FGF14: variants seen among roughly 807,000 people sequenced by gnomAD.
FGF14 encodes the protein fibroblast growth factor homologous factor 4.
In FGF14, 5 loss-of-function variants were observed where a neutral mutation model predicts 25.5. The observed-to-expected ratio is 0.20, with a 90% CI of 0.10 to 0.41. The LOEUF (loss-of-function observed/expected upper bound fraction) is 0.41, where lower values mean the gene tolerates loss of function less well. FGF14 is among the 10% of genes least tolerant of loss of function. FGF14 has a pLI of 1.00. For missense variants in FGF14, 222 were observed against 320.1 expected (o/e 0.69, Z 2.34); for synonymous variants, 138 against 118.3 (o/e 1.17, Z -1.08).
intron 1 of FGF14, among the ~76,000 whole-genome samples, chr13:102,157,489 C>A (rs1428893794): frequency 6.6e-6 from 1 of 152,168 alleles, no homozygotes; most frequent in Non-Finnish European, 1.5e-5. Flanking sequence ...CTTCCTTACA[C>A]CTTATACAAA....
intron 1 of FGF14, among the ~76,000 whole-genome samples, chr13:102,103,518 T>C (rs983412469): frequency 9.9e-5 from 15 of 152,144 alleles, no homozygotes; most frequent in African/African-American, 3.6e-4. Flanking sequence ...TAAAATTATA[T>C]TCCTATTCTT....
chr13:101,925,904 T>A (rs2034329146), intron 1 of FGF14, among the ~76,000 whole-genome samples: 1 of 152,178 alleles, frequency 6.6e-6, no homozygotes, highest in Admixed American at 6.5e-5. Flanking sequence ...CTGCTTTTTG[T>A]TTGTTTAATC....
rs1043814128 is a variant in FGF14 at position 101,722,233 on chromosome 13, GTAA to G, written c.*595_*597del. On this transcript the variant is annotated 3_prime_UTR_variant, in exon 5 of 5. Transcript: ENST00000376143. ...TAATCTTTCTTTATAGATGCAATTT[GTAA>G]TAATAGGTTTAGAAGGCTTCCTGAT... The G allele has an allele frequency of 5.9e-6, 1 of 169,736 alleles. No homozygotes were observed. The highest frequency in any genetic ancestry group is 5.5e-5 in the Admixed American group (1 of 18,098). The allele number at this position is 169,736 out of a possible 1,614,324, so 10.5% of individuals were successfully genotyped here.
chr13:102,161,657 A>AGACGAAGACGAAGACGAAGACGAAGAC (rs2047739167), intron 1 of FGF14, among the ~76,000 whole-genome samples: 7 of 15,988 alleles, frequency 4.4e-4, no homozygotes, highest in Admixed American at 7.4e-4. Context: ...AAGAAGAAGA[A>AGACGAAGACGAAGACGAAGACGAAGAC]GAAGAAGAAG....
chr13:101,754,313 T>G (rs2037500939), intron 3 of FGF14, among the ~76,000 whole-genome samples: 2 of 152,222 alleles, frequency 1.3e-5, no homozygotes, highest in African/African-American at 4.8e-5. Context: ...AAAGCCAGCT[T>G]CTTCTTTGTT....
intron 1 of FGF14, among the ~76,000 whole-genome samples, chr13:102,312,801 A>G (rs2055838763): frequency 6.6e-6 from 1 of 152,212 alleles, no homozygotes; most frequent in Non-Finnish European, 1.5e-5. Flanking sequence ...TTCTGCTATC[A>G]ACAACATCCT....
At chr13:101,733,884 G>A (rs2035992420) in intron 3 of FGF14, among the ~76,000 whole-genome samples, 3 of 151,290 alleles carry the variant, frequency 2.0e-5, no homozygotes, top group Admixed American at 1.3e-4. Flanking sequence ...TTTATTACAT[G>A]TTTTATAACA....
At chr13:102,174,358 G>A (rs1016522555) in intron 1 of FGF14, among the ~76,000 whole-genome samples, 1 of 150,326 alleles carries the variant, frequency 6.7e-6, no homozygotes, top group Non-Finnish European at 1.5e-5. Context: ...GTACAGACAA[G>A]GTTTCACTTG....
In FGF14 at chr13:102,256,423, G is replaced by A. The variant is rs565005016; in HGVS notation, c.208+145048C>T. Among the ~76,000 whole-genome samples the A allele has an allele frequency of 7.2e-5, 11 of 152,242 alleles. No individual in the cohort carries two copies. In the East Asian group the frequency reaches 9.7e-4, roughly 13 times the overall value. Reference sequence around the variant, plus strand: ...TGAGGTGGGAAGATCACTTGAGCCCGGGAGGTCGAAGTTGCAGTGAGCTGT... The same window carrying A: ...TGAGGTGGGAAGATCACTTGAGCCCAGGAGGTCGAAGTTGCAGTGAGCTGT... On this transcript the variant is annotated intron_variant, in intron 1 of 4. Coordinates refer to the FGF14 transcript ENST00000376131.
At chr13:102,397,421 A>G (rs1287473756) in intron 1 of FGF14, among the ~76,000 whole-genome samples, 1 of 152,208 alleles carries the variant, frequency 6.6e-6, no homozygotes, top group African/African-American at 2.4e-5. Context: ...CTGAGTTCAG[A>G]AAAAGAGAAT....
intron 1 of FGF14, among the ~76,000 whole-genome samples, chr13:101,969,158 C>T (rs2037432116): frequency 6.6e-6 from 1 of 152,210 alleles, no homozygotes; most frequent in Non-Finnish European, 1.5e-5. Context: ...CCTAGGTCTT[C>T]ATAACTACCT....
intron 1 of FGF14, among the ~76,000 whole-genome samples, chr13:102,010,594 T>C (rs2040027913): frequency 6.6e-6 from 1 of 152,214 alleles, no homozygotes; most frequent in African/African-American, 2.4e-5. Flanking sequence ...TGATCATAGC[T>C]GAGTTTCTGG....
At chr13:101,910,319 C>T (rs185573482) in intron 1 of FGF14, among the ~76,000 whole-genome samples, 131 of 152,158 alleles carry the variant, frequency 8.6e-4, no homozygotes, top group Non-Finnish European at 1.7e-3. Flanking sequence ...CATTGCTATG[C>T]GTTCATTTAT....
At chr13:102,125,355 G>GTT (rs1299146671) in intron 1 of FGF14, among the ~76,000 whole-genome samples, 1 of 152,054 alleles carries the variant, frequency 6.6e-6, no homozygotes, top group Non-Finnish European at 1.5e-5. Flanking sequence ...ATAGAAAACC[G>GTT]TAAGAGTCAC....
intron 4 of FGF14, among the ~76,000 whole-genome samples, chr13:101,725,854 C>G (rs1046138839): frequency 3.3e-5 from 5 of 152,064 alleles, no homozygotes; most frequent in Middle Eastern, 3.4e-3. Context: ...GTAAATGACA[C>G]TTTTGGCAGA....
In FGF14 at chr13:102,014,025, T is replaced by A. The variant is rs114502071; in HGVS notation, c.209-138729A>T. ...ATGAATTTAATCTTTACAACAAATT[T>A]AAAAATCTATAAAAGTATCATTTTA... On this transcript the variant is annotated intron_variant, in intron 1 of 4. Coordinates refer to the FGF14 transcript ENST00000376131. Among the ~76,000 whole-genome samples, 1,316 of 152,216 alleles carry A rather than the reference T, an allele frequency of 8.6e-3. 11 individuals are homozygous for A. Among genetic ancestry groups the A allele is most frequent in the African/African-American group, 0.03 (1,250 of 41,546 alleles).
intron 3 of FGF14, among the ~76,000 whole-genome samples, chr13:101,775,730 T>C (rs78829263): frequency 0.014 from 2,099 of 152,218 alleles, 55 homozygotes; most frequent in African/African-American, 0.047. Context: ...GCAGGTAATG[T>C]GAAATGAAAT....
rs1204845735 is a variant in FGF14, at chr13:102,325,238, A to AT, written c.208+76232dup. On this transcript the variant is annotated intron_variant, in intron 1 of 4. Coordinates refer to the FGF14 transcript ENST00000376131. ...TACTGGGTTTTTAATTAAACCTGGAATTTTTTTTTTCCAAAGAATTTTGAA... is the reference window on the plus strand; with the variant it reads ...TACTGGGTTTTTAATTAAACCTGGAATTTTTTTTTTTCCAAAGAATTTTGAA... Among the ~76,000 whole-genome samples, 263 of 150,908 alleles carry AT rather than the reference A, an allele frequency of 1.7e-3. 2 individuals are homozygous for AT. The highest frequency in any genetic ancestry group is 5.7e-3 in the African/African-American group (234 of 41,224).
At chr13:101,993,190 T>G (rs1041108613) in intron 1 of FGF14, among the ~76,000 whole-genome samples, 206 of 125,508 alleles carry the variant, frequency 1.6e-3, no homozygotes, top group African/African-American at 6.3e-3. Context: ...AAAGCATTGA[T>G]TAAAAAAAAA....
Sources: allele counts gnomAD v4.1 joint callset (sites outside exome capture counted in the v4.1 genomes callset), GRCh38; gene constraint gnomAD v4.1.1; transcripts MANE v1.5; gene names NCBI Gene and HGNC (gene_info 2026-07-23, HGNC 2026-07-21).